The following JARID2 variants were observed in gnomAD, a reference collection of about 807,000 sequenced individuals.
JARID2 encodes protein Jumonji.
In JARID2, 21 loss-of-function variants were observed where a neutral mutation model predicts 125.6. The observed-to-expected ratio is 0.17, with a 90% CI of 0.12 to 0.24. The LOEUF (loss-of-function observed/expected upper bound fraction) is 0.24, where lower values mean the gene tolerates loss of function less well. Ranked by LOEUF, JARID2 falls within the 10% of genes least tolerant of loss-of-function variation. The probability of loss-of-function intolerance (pLI) is 1.00; values close to 1 mark genes in which losing one functional copy is unlikely to be tolerated. For synonymous variants in JARID2, 736 were observed against 661.6 expected (o/e 1.11, Z -1.73); for missense variants, 1,303 against 1,639.6 (o/e 0.79, Z 3.55).
chr6:15,442,159 C>T (rs1009284370), intron 3 of JARID2, among the ~76,000 whole-genome samples: 1 of 150,582 alleles, frequency 6.6e-6, no homozygotes, highest in Admixed American at 6.6e-5. Flanking sequence ...CAGGGTCATT[C>T]CCTTTGCCTT....
rs2127707393 is a variant in JARID2 at position 15,481,996 on chromosome 6, A to G, written c.671-5311A>G. Among the ~76,000 whole-genome samples, 2 of 152,336 alleles carry G rather than the reference A, an allele frequency of 1.3e-5. 1 individual carries two copies. The highest frequency in any genetic ancestry group is 4.1e-4 in the South Asian group (2 of 4,830). On this transcript the variant is annotated intron_variant, in intron 5 of 17. Coordinates refer to ENST00000341776, the MANE Select transcript of JARID2 (RefSeq NM_004973.4). ...TGTCCATAGTATTTTCCTGAGCAGT[A>G]GGTTTTGTGACCTCAAAATACAATC...
chr6:15,501,524 A>AAGGT, intron 8 of JARID2, 115 bp downstream of exon 8: 3 of 1,031,424 alleles, frequency 2.9e-6, no homozygotes, highest in Non-Finnish European at 4.1e-6. Flanking sequence ...TGGGGTGATG[A>AAGGT]GGGGGCGGGC....
chr6:15,250,175 C>T (rs992660953), intron 1 of JARID2, among the ~76,000 whole-genome samples: 2 of 152,248 alleles, frequency 1.3e-5, no homozygotes, highest in East Asian at 1.9e-4. Context: ...TTTTAAGTAT[C>T]TAATTTTCTG....
Position 15,496,391 on chromosome 6 carries a change from A to G in JARID2, c.1166A>G (p.Gln389Arg). Reference protein sequence around the residue: ...TESSNAKTRKQVLSLGGASKS... With the variant: ...TESSNAKTRKRVLSLGGASKS... ...AGTAGCAATGCAAAAACCCGCAAAC[A>G]GGTGCTATCCCTCGGGGGGGCGTCC... Residue 389 changes from glutamine to arginine, a missense_variant, in exon 7 of 18, where the codon CAG (glutamine) becomes CGG (arginine). Physicochemically the swap from Gln to Arg is conservative, Grantham distance 43 (BLOSUM62 1). Around this residue, in one of 11 missense-constraint regions of JARID2, gnomAD observed 651 missense variants for 581.6 expected, o/e 1.12. Transcript: ENST00000341776. 1 of 1,614,100 alleles carries G rather than the reference A, an allele frequency of 6.2e-7. No homozygotes were observed. The highest frequency in any genetic ancestry group is 8.5e-7 in the Non-Finnish European group (1 of 1,180,038).
At chr6:15,455,871 C>G (rs1177775387) in intron 4 of JARID2, among the ~76,000 whole-genome samples, 5 of 152,202 alleles carry the variant, frequency 3.3e-5, no homozygotes, top group African/African-American at 1.2e-4. Flanking sequence ...ACTAGTTTGG[C>G]TACTTTTGGG....
chr6:15,503,905 A>G (rs1561911230), intron 8 of JARID2, among the ~76,000 whole-genome samples: 1 of 146,126 alleles, frequency 6.8e-6, no homozygotes, highest in Non-Finnish European at 1.5e-5. Flanking sequence ...AGGGCAACAG[A>G]GGGGCATCGA....
At chr6:15,481,955 G>A (rs1475082837) in intron 5 of JARID2, among the ~76,000 whole-genome samples, 1 of 151,984 alleles carries the variant, frequency 6.6e-6, no homozygotes, top group African/African-American at 2.4e-5. Context: ...TATAATCCTG[G>A]TACTCACCGC....
chr6:15,401,613 A>G (rs994326717), intron 2 of JARID2, among the ~76,000 whole-genome samples: 1 of 152,156 alleles, frequency 6.6e-6, no homozygotes, highest in Admixed American at 6.5e-5. Flanking sequence ...AGGCATGCAA[A>G]TAGATCCTGA....
Position 15,410,164 on chromosome 6 carries a change from G to A in JARID2, c.182-60G>A, listed in dbSNP as rs1765817397. 6 of 1,517,462 alleles carry A rather than the reference G, an allele frequency of 4.0e-6. No homozygotes were observed. In the South Asian group the frequency reaches 4.7e-5, roughly 12 times the overall value. 94.0% of individuals were successfully genotyped at this position (1,517,462 alleles called of 1,614,324 possible). A position where few individuals can be genotyped will look rare whatever the true frequency, so the allele number is the denominator to read the frequency against. ...TCAGCGTTGTGTAGGGTTAACTGTG[G>A]TAAAGTGCTGCCTCCTGATGTGATG... On this transcript the variant is annotated intron_variant, in intron 2 of 17. Transcript: ENST00000341776.
intron 7 of JARID2, among the ~76,000 whole-genome samples, chr6:15,499,093 G>C (rs556530293): frequency 6.6e-6 from 1 of 152,024 alleles, no homozygotes; most frequent in African/African-American, 2.4e-5. Context: ...GCTTATGCTT[G>C]TTGCCGTCAC....
intron 3 of JARID2, among the ~76,000 whole-genome samples, chr6:15,423,087 C>T (rs182426809): frequency 7.5e-4 from 113 of 151,656 alleles, no homozygotes; most frequent in African/African-American, 2.1e-3. Context: ...GTAACCTCCG[C>T]GTCCTGGGTG....
chr6:15,315,485 C>T (rs1389011764), intron 1 of JARID2, among the ~76,000 whole-genome samples: 2 of 152,206 alleles, frequency 1.3e-5, no homozygotes, highest in African/African-American at 4.8e-5. Context: ...AATCATAGTG[C>T]AGTCAGTACA....
chr6:15,442,760 T>C (rs571831963), intron 3 of JARID2, among the ~76,000 whole-genome samples: 1 of 152,324 alleles, frequency 6.6e-6, no homozygotes, highest in Admixed American at 6.5e-5. Flanking sequence ...GGTTGCTTTC[T>C]AGAACACAAA....
intron 1 of JARID2, among the ~76,000 whole-genome samples, chr6:15,353,394 GATTC>G (rs1244343808): frequency 6.6e-6 from 1 of 152,130 alleles, no homozygotes; most frequent in Non-Finnish European, 1.5e-5. Context: ...AGAGAGCTTT[GATTC>G]ATTCATATCT....
chr6:15,376,442 G>A (rs542888323), intron 2 of JARID2, among the ~76,000 whole-genome samples: 4 of 152,258 alleles, frequency 2.6e-5, no homozygotes, highest in African/African-American at 9.6e-5. Context: ...TTTGCTTGGT[G>A]CGGTGGTTCA....
chr6:15,277,777 G>GC (rs1348300338), intron 1 of JARID2, among the ~76,000 whole-genome samples: 2 of 101,852 alleles, frequency 2.0e-5, no homozygotes, highest in African/African-American at 7.4e-5. Flanking sequence ...AGCCAAGTCT[G>GC]CAAAAAAAAA....
At chr6:15,353,634 T>C (rs913031139) in intron 1 of JARID2, among the ~76,000 whole-genome samples, 22 of 152,316 alleles carry the variant, frequency 1.4e-4, no homozygotes, top group Middle Eastern at 3.4e-3. Context: ...AATGATCCTT[T>C]TCCTGGTGGG....
chr6:15,513,220 C>T lies in JARID2; in HGVS notation c.3267-19C>T, dbSNP rs755536564. ...GCAGGCCGTCACTAAAGGTGCGGGCCGTCTCCCGTGTCTGGCAGGGATACA... is the reference window on the plus strand; with the variant it reads ...GCAGGCCGTCACTAAAGGTGCGGGCTGTCTCCCGTGTCTGGCAGGGATACA... On this transcript the variant is annotated intron_variant, in intron 15 of 17. Transcript: ENST00000341776. The T allele has an allele frequency of 4.2e-5, 65 of 1,552,130 alleles. No homozygotes were observed. The highest frequency in any genetic ancestry group is 7.8e-5 in the Admixed American group (4 of 51,028).
At chr6:15,401,252 G>C (rs1382275427) in intron 2 of JARID2, among the ~76,000 whole-genome samples, 1 of 152,102 alleles carries the variant, frequency 6.6e-6, no homozygotes, top group African/African-American at 2.4e-5. Context: ...AGGGGCAATG[G>C]TGGCTCCTGC....
Sources: gnomAD v4.1 joint callset for allele counts (sites outside exome capture counted in the v4.1 genomes callset) on GRCh38, gnomAD v4.1.1 for gene constraint, gnomAD v4.1.1 regional missense constraint, MANE v1.5 for transcripts, NCBI Gene and HGNC (gene_info 2026-07-23, HGNC 2026-07-21) for gene names.